The following FAM114A2 variants were observed in gnomAD, a reference collection of about 807,000 sequenced individuals.
FAM114A2 encodes the protein family with sequence similarity 114 member A2, also known as protein FAM114A2.
In FAM114A2, 53 loss-of-function variants were observed where a neutral mutation model predicts 58.4. That is an observed-to-expected ratio of 0.91 (90% CI 0.73 to 1.14). The LOEUF (loss-of-function observed/expected upper bound fraction) is 1.14, where lower values mean the gene tolerates loss of function less well. FAM114A2 is among the 50% of genes most tolerant of loss of function. FAM114A2 has a pLI of 0.00. For synonymous variants in FAM114A2, 228 were observed against 211.4 expected, an observed-to-expected ratio of 1.08 and a Z score of -0.68; for missense variants, 601 against 581.1, an observed-to-expected ratio of 1.03 and a Z score of -0.35.
chr5:154,002,993 T>C (rs750877236), intron 9 of FAM114A2, 24 bp from the exon 10 acceptor site: 12 of 1,611,498 alleles, frequency 7.4e-6, no homozygotes, highest in Non-Finnish European at 1.0e-5. Context: ...ATATTGGCCA[T>C]CAACAATTCA....
At chr5:154,029,368 T>C in intron 5 of FAM114A2, 121 bp downstream of exon 5, 1 of 606,086 alleles carries the variant, frequency 1.6e-6, no homozygotes, top group Non-Finnish European at 2.9e-6. Flanking sequence ...CGATCTTCAG[T>C]GGCTTGGACT....
chr5:153,997,752 T>A, intron 12 of FAM114A2, 51 bp downstream of exon 12: 1 of 1,108,038 alleles, frequency 9.0e-7, no homozygotes, highest in Non-Finnish European at 1.4e-6. Flanking sequence ...ATATTTAAAC[T>A]GCTAAAGAAA....
intron 8 of FAM114A2, among the ~76,000 whole-genome samples, chr5:154,023,165 T>A (rs990106498): frequency 6.6e-6 from 1 of 152,042 alleles, no homozygotes; most frequent in Non-Finnish European, 1.5e-5. Context: ...AGGGATAGCA[T>A]TGGGAGAAGT....
Sources: allele counts gnomAD v4.1 joint callset (sites outside exome capture counted in the v4.1 genomes callset), GRCh38; gene constraint gnomAD v4.1.1; transcripts MANE v1.5; gene names NCBI Gene and HGNC (gene_info 2026-07-23, HGNC 2026-07-21).